ATXN1: variants seen among roughly 807,000 people sequenced by gnomAD.
ATXN1 encodes the protein ataxin 1, also known as ataxin-1.
A neutral mutation model predicts 56.4 loss-of-function variants in ATXN1; 8 were observed. The ratio of observed to expected loss-of-function variants is 0.14; its 90% CI spans 0.08 to 0.26. The LOEUF (loss-of-function observed/expected upper bound fraction) is 0.26, where lower values mean the gene tolerates loss of function less well. Among genes scored for constraint, ATXN1 ranks in the 10% least tolerant of loss-of-function variants. The pLI is 1.00. For synonymous variants in ATXN1, 514 were observed against 494.6 expected (o/e 1.04, Z -0.52); for missense variants, 987 against 1,106.5 (o/e 0.89, Z 1.53).
At chr6:16,563,719 G>C (rs1041792298) in intron 4 of ATXN1, among the ~76,000 whole-genome samples, 9 of 152,012 alleles carry the variant, frequency 5.9e-5, no homozygotes, top group African/African-American at 1.9e-4. Flanking sequence ...ATGAAGGAAA[G>C]GTGAAGTCTT....
At chr6:16,704,406 G>C (rs977567934) in intron 2 of ATXN1, among the ~76,000 whole-genome samples, 1 of 152,016 alleles carries the variant, frequency 6.6e-6, no homozygotes, top group Non-Finnish European at 1.5e-5. Flanking sequence ...CCTGCGAGGC[G>C]CTCCCTCTAA....
chr6:16,518,229 A>C (rs1761222733), intron 5 of ATXN1, among the ~76,000 whole-genome samples: 2 of 152,150 alleles, frequency 1.3e-5, no homozygotes, highest in South Asian at 4.1e-4. Flanking sequence ...GCCCCACCCC[A>C]GCTTTCTATG....
chr6:16,584,323 T>C (rs1053027256), intron 4 of ATXN1, among the ~76,000 whole-genome samples: 1 of 150,606 alleles, frequency 6.6e-6, no homozygotes, highest in African/African-American at 2.4e-5. Flanking sequence ...GGCACATACA[T>C]ATTTTTAAAC....
intron 3 of ATXN1, among the ~76,000 whole-genome samples, chr6:16,655,851 A>G (rs929888899): frequency 1.3e-5 from 2 of 151,912 alleles, no homozygotes; most frequent in Non-Finnish European, 1.5e-5. Flanking sequence ...GCACTTTGGG[A>G]GGCTGAGGCA....
chr6:16,404,527 T>C (rs2113541267), intron 6 of ATXN1, among the ~76,000 whole-genome samples: 1 of 152,192 alleles, frequency 6.6e-6, no homozygotes, highest in African/African-American at 2.4e-5. Context: ...AGATGCTGAG[T>C]GAGGGGGCAT....
intron 7 of ATXN1, among the ~76,000 whole-genome samples, chr6:16,317,688 C>A (rs1760546137): frequency 1.3e-5 from 2 of 151,918 alleles, no homozygotes; most frequent in African/African-American, 4.8e-5. Context: ...GCCCTGTCGC[C>A]AGCACCTCTT....
chr6:16,530,553 G>A (rs959839654), intron 4 of ATXN1, among the ~76,000 whole-genome samples: 1 of 152,092 alleles, frequency 6.6e-6, no homozygotes, highest in African/African-American at 2.4e-5. Flanking sequence ...TGTACAAAAC[G>A]ACTACCCCAT....
At chr6:16,354,551 C>T (rs1388889697) in intron 6 of ATXN1, among the ~76,000 whole-genome samples, 7 of 152,182 alleles carry the variant, frequency 4.6e-5, no homozygotes, top group African/African-American at 1.7e-4. Context: ...CACTCGGACC[C>T]TTCTATTTTA....
chr6:16,535,463 G>A (rs1761578294), intron 4 of ATXN1, among the ~76,000 whole-genome samples: 1 of 152,160 alleles, frequency 6.6e-6, no homozygotes, highest in African/African-American at 2.4e-5. Context: ...ATTTCTCAAA[G>A]AGCTGCCAAT....
rs559212594 is a variant in ATXN1 at position 16,673,020 on chromosome 6, C to CAA, written c.-614-15121_-614-15120dup. Among the ~76,000 whole-genome samples, 340 of 105,542 alleles carry CAA rather than the reference C, an allele frequency of 3.2e-3. 8 individuals are homozygous for CAA. Among genetic ancestry groups the CAA allele is most frequent in the South Asian group, 0.014 (43 of 3,160 alleles). The allele number at this position is 105,542 out of a possible 152,430, so 69.2% of individuals were successfully genotyped here. ...AGAATGAGACTCCGTTCCCCCCCGC[C>CAA]AAAAAAAAAAAAAAAAGAAAAGAAA... On this transcript the variant is annotated intron_variant, in intron 2 of 7. Transcript: ENST00000436367.
chr6:16,666,071 T>C (rs941652236), intron 2 of ATXN1, among the ~76,000 whole-genome samples: 2 of 152,224 alleles, frequency 1.3e-5, no homozygotes, highest in Admixed American at 6.5e-5. Flanking sequence ...TACTGAACAC[T>C]AGCTCTTATT....
At chr6:16,725,514 A>T (rs78818147) in intron 2 of ATXN1, among the ~76,000 whole-genome samples, 21 of 152,328 alleles carry the variant, frequency 1.4e-4, no homozygotes, top group African/African-American at 4.8e-4. Context: ...ACAAACAAGA[A>T]AAAGAGCTAA....
intron 7 of ATXN1, among the ~76,000 whole-genome samples, chr6:16,316,810 A>T (rs977072364): frequency 6.6e-6 from 1 of 150,726 alleles, no homozygotes; most frequent in African/African-American, 2.5e-5. Context: ...TTCTGTATGG[A>T]AAAACATTGC....
intron 2 of ATXN1, among the ~76,000 whole-genome samples, chr6:16,708,847 G>A (rs1308324931): frequency 1.3e-5 from 2 of 152,038 alleles, no homozygotes; most frequent in South Asian, 2.1e-4. Context: ...CCAACGTGGC[G>A]AAACCCTGTC....
At chr6:16,414,045 C>G (rs1328605992) in intron 6 of ATXN1, among the ~76,000 whole-genome samples, 1 of 152,146 alleles carries the variant, frequency 6.6e-6, no homozygotes, top group South Asian at 2.1e-4. Context: ...GGATAAGAAG[C>G]GAACTTCTTT....
At chr6:16,565,717 C>T (rs192403460) in intron 4 of ATXN1, among the ~76,000 whole-genome samples, 57 of 152,204 alleles carry the variant, frequency 3.7e-4, no homozygotes, top group Non-Finnish European at 4.1e-4. Flanking sequence ...AAAAAATTTC[C>T]AGGTAAACCA....
intron 2 of ATXN1, among the ~76,000 whole-genome samples, chr6:16,748,374 A>G (rs1280387979): frequency 6.6e-6 from 1 of 152,160 alleles, no homozygotes; most frequent in Non-Finnish European, 1.5e-5. Context: ...ACTCCAAGCC[A>G]TGCCTTGCCT....
chr6:16,327,672 C>T lies in ATXN1; in HGVS notation c.639G>A (p.Gln213=), dbSNP rs3817753. 7.2e-7 allele frequency: 1 copy of T among 1,383,284 alleles called. No individual in the cohort carries two copies. Among genetic ancestry groups the T allele is most frequent in the Non-Finnish European group, 9.6e-7 (1 of 1,039,900 alleles). 85.7% of individuals were successfully genotyped at this position (1,383,284 alleles called of 1,614,324 possible). Residue 213 remains glutamine, a synonymous_variant, in exon 7 of 8, where the codon CAG becomes CAA. Transcript: ENST00000436367. ...QQQQQQHQHQ[Q]QQQQQQQQQQ... ...GCTGCTGCTGCTGCTGCTGCTGCTGCTGCTGATGCTGATGCTGCTGCTGCT... is the reference window on the plus strand; with the variant it reads ...GCTGCTGCTGCTGCTGCTGCTGCTGTTGCTGATGCTGATGCTGCTGCTGCT...
At chr6:16,634,397 T>G (rs951226763) in intron 3 of ATXN1, among the ~76,000 whole-genome samples, 2 of 152,242 alleles carry the variant, frequency 1.3e-5, no homozygotes, top group African/African-American at 4.8e-5. Context: ...GGGTTGTTTC[T>G]GAGAATTAAA....
Sources: gnomAD v4.1 joint callset for allele counts (sites outside exome capture counted in the v4.1 genomes callset) on GRCh38, gnomAD v4.1.1 for gene constraint, MANE v1.5 for transcripts, NCBI Gene and HGNC (gene_info 2026-07-23, HGNC 2026-07-21) for gene names.